MYO3A: variants seen among roughly 807,000 people sequenced by gnomAD.
MYO3A encodes the protein myosin IIIA.
Under a neutral mutation model 192.7 loss-of-function variants are expected in MYO3A, and 180 were observed. That is an observed-to-expected ratio of 0.93 (90% CI 0.83 to 1.06). The LOEUF (loss-of-function observed/expected upper bound fraction) is 1.06, where lower values mean the gene tolerates loss of function less well. Ranked by LOEUF, MYO3A falls within the 50% of genes least tolerant of loss-of-function variation. The pLI, the probability that MYO3A is intolerant of heterozygous loss-of-function variation, is 0.00. For synonymous variants in MYO3A, 628 were observed against 645.3 expected (o/e 0.97, Z 0.41); for missense variants, 1,896 against 1,905.0 (o/e 1.00, Z 0.09).
intron 3 of MYO3A, among the ~76,000 whole-genome samples, chr10:25,953,286 T>G (rs1837324807): frequency 6.6e-6 from 1 of 152,114 alleles, no homozygotes; most frequent in South Asian, 2.1e-4. Flanking sequence ...TTTTTTATTT[T>G]TATTTTTTGA....
At chr10:26,016,457 G>A (rs1250584125) in intron 6 of MYO3A, among the ~76,000 whole-genome samples, 1 of 152,208 alleles carries the variant, frequency 6.6e-6, no homozygotes, top group Non-Finnish European at 1.5e-5. Context: ...CAGGGAGGAA[G>A]CACGCCATTC....
chr10:25,944,531 AT>A (rs1836711072), intron 2 of MYO3A, among the ~76,000 whole-genome samples: 1 of 151,944 alleles, frequency 6.6e-6, no homozygotes, highest in African/African-American at 2.4e-5. Flanking sequence ...TGGTCCTGAG[AT>A]TTTGTTGTTA....
rs74838391 is a variant in MYO3A at position 26,136,358 on chromosome 10, T to C, written c.2263-7090T>C. Among the ~76,000 whole-genome samples the C allele has an allele frequency of 4.7e-4, 72 of 152,308 alleles. 1 individual carries two copies. The East Asian group carries it at 0.013, about 28-fold the overall frequency. ...ACAACTGTGGAGCAGTGTCAAATGG[T>C]GAACTTGCCTATCAGAGAAGGCTAT... is the stretch of plus-strand genomic sequence containing the variant. On this transcript the variant is annotated intron_variant, in intron 20 of 34. Transcript: ENST00000642920.
At chr10:26,101,722 G>T (rs913320357) in intron 17 of MYO3A, among the ~76,000 whole-genome samples, 1 of 152,076 alleles carries the variant, frequency 6.6e-6, no homozygotes, top group South Asian at 2.1e-4. Context: ...TTGAATATTG[G>T]CCCCCACTCT....
At chr10:26,075,858 ATC>A (rs956702823) in intron 14 of MYO3A, among the ~76,000 whole-genome samples, 19 of 149,030 alleles carry the variant, frequency 1.3e-4, no homozygotes, top group East Asian at 2.0e-4. Context: ...TCTCATATAT[ATC>A]TATATGTATC....
chr10:25,977,421 A>T (rs1839026628), intron 4 of MYO3A, among the ~76,000 whole-genome samples: 1 of 152,170 alleles, frequency 6.6e-6, no homozygotes. Flanking sequence ...ATTATAAAGA[A>T]CTTCAGTTTC....
intron 8 of MYO3A, chr10:26,023,291 CAA>C (rs886169974): frequency 3.9e-5 from 6 of 152,108 alleles, no homozygotes; most frequent in African/African-American, 1.4e-4. Context: ...CTAATGAAAA[CAA>C]AGAGCTGTTA....
At chr10:26,201,745 C>G (rs1843686710) in intron 33 of MYO3A, among the ~76,000 whole-genome samples, 1 of 151,500 alleles carries the variant, frequency 6.6e-6, no homozygotes, top group Non-Finnish European at 1.5e-5. Context: ...AAGTAATGTG[C>G]ACCCAATACA....
intron 10 of MYO3A, among the ~76,000 whole-genome samples, chr10:26,031,382 A>C (rs72789960): frequency 0.11 from 16,001 of 152,220 alleles, 908 homozygotes; most frequent in Non-Finnish European, 0.12. Context: ...TGAATGCTAC[A>C]ACCCACTCAA....
intron 15 of MYO3A, among the ~76,000 whole-genome samples, chr10:26,093,935 C>T (rs1349431709): frequency 6.6e-6 from 1 of 152,136 alleles, no homozygotes; most frequent in East Asian, 1.9e-4. Context: ...TAAGACCCCC[C>T]GACTCTCTCT....
chr10:25,997,162 C>T lies in MYO3A; in HGVS notation c.412C>T (p.Leu138Phe). 1 of 1,611,368 alleles carries T rather than the reference C, an allele frequency of 6.2e-7. No homozygotes were observed. The highest frequency in any genetic ancestry group is 1.1e-5 in the South Asian group (1 of 91,014). ...TTATATATTTCTTATCTTCTAGGGA[C>T]TTCAACATTTGCATAACAACAAAAC... ...AYILHEALMG[L>F]QHLHNNKTIH... The change falls in exon 6 of 35, where the codon CTT (leucine) becomes TTT (phenylalanine). Residue 138 changes from leucine (L) to phenylalanine (F), a missense_variant. Physicochemically the swap from Leu to Phe is conservative, Grantham distance 22 (BLOSUM62 0). Transcript: ENST00000642920.
intron 30 of MYO3A, 145 bp from the exon 31 acceptor site, chr10:26,176,556 C>A: frequency 2.9e-6 from 2 of 701,426 alleles, no homozygotes; most frequent in Non-Finnish European, 4.9e-6. Context: ...CTTTATCAGA[C>A]CTTGGTGCAA....
chr10:26,093,285 A>G (rs1056826737), intron 15 of MYO3A, among the ~76,000 whole-genome samples: 3 of 152,256 alleles, frequency 2.0e-5, no homozygotes, highest in Non-Finnish European at 4.4e-5. Context: ...ACATGAGTGA[A>G]GTGCACAGTC....
At chr10:26,204,793 CT>C (rs930477517) in intron 34 of MYO3A, among the ~76,000 whole-genome samples, 6 of 152,318 alleles carry the variant, frequency 3.9e-5, no homozygotes, top group African/African-American at 1.4e-4. Flanking sequence ...TGATCCTTAC[CT>C]CCAAGAGCTT....
intron 4 of MYO3A, among the ~76,000 whole-genome samples, chr10:25,981,658 C>T (rs1839337139): frequency 6.6e-6 from 1 of 152,034 alleles, no homozygotes; most frequent in Non-Finnish European, 1.5e-5. Context: ...ATATGGATGG[C>T]AAATAAGTAC....
At chr10:26,066,439 T>C (rs1834852574) in intron 10 of MYO3A, among the ~76,000 whole-genome samples, 1 of 152,244 alleles carries the variant, frequency 6.6e-6, no homozygotes, top group Admixed American at 6.5e-5. Flanking sequence ...ATCTTTATGC[T>C]GTTTTTGAAA....
At chr10:25,997,131 G>A in intron 5 of MYO3A, 28 bp from the exon 6 acceptor site, 3 of 1,554,554 alleles carry the variant, frequency 1.9e-6, no homozygotes, top group Non-Finnish European at 2.7e-6. Context: ...CTTTTGTTAA[G>A]AGTCATTATA....
chr10:25,946,877 CAAAAAAAAAA>C lies in MYO3A; in HGVS notation c.-17-5196_-17-5187del, dbSNP rs34045169. On this transcript the variant is annotated intron_variant, in intron 2 of 34. Transcript: ENST00000642920. The stretch of plus-strand genomic sequence containing the variant: ...TGGGTGACAGAGTGAGACTCCGTCT[CAAAAAAAAAA>C]AAAAAAAAAAAAAAAAAAAAGATTT... Among the ~76,000 whole-genome samples, 14 of 50,148 alleles carry C rather than the reference CAAAAAAAAAA, an allele frequency of 2.8e-4. No homozygotes were observed. In the Admixed American group the frequency reaches 3.8e-3, roughly 14 times the overall value. The allele number at this position is 50,148 out of a possible 152,430, so 32.9% of individuals were successfully genotyped here.
intron 6 of MYO3A, among the ~76,000 whole-genome samples, chr10:26,004,063 T>C (rs1038940544): frequency 8.5e-5 from 13 of 152,208 alleles, no homozygotes; most frequent in East Asian, 7.7e-4. Context: ...ACAAAAGCCA[T>C]TGGGTGGGAC....
Sources: gnomAD v4.1 joint callset for allele counts (sites outside exome capture counted in the v4.1 genomes callset) on GRCh38, gnomAD v4.1.1 for gene constraint, MANE v1.5 for transcripts, NCBI Gene and HGNC (gene_info 2026-07-23, HGNC 2026-07-21) for gene names.